CIDEC: variants seen among roughly 807,000 people sequenced by gnomAD.
The protein encoded by CIDEC is lipid transferase CIDEC.
In CIDEC, 11 loss-of-function variants were observed where a neutral mutation model predicts 21.9. The observed-to-expected ratio is 0.50, with a 90% CI of 0.32 to 0.83. The LOEUF is 0.83. Among genes scored for constraint, CIDEC ranks in the 40% least tolerant of loss-of-function variants. The pLI, the probability that CIDEC is intolerant of heterozygous loss-of-function variation, is 0.04. For missense variants in CIDEC, 302 were observed against 302.3 expected, an observed-to-expected ratio of 1.00 and a Z score of 0.01; for synonymous variants, 127 against 124.9, an observed-to-expected ratio of 1.02 and a Z score of -0.11.
chr3:9,873,165 C>CT (rs1425862814), intron 4 of CIDEC, among the ~76,000 whole-genome samples: 1 of 152,004 alleles, frequency 6.6e-6, no homozygotes, highest in African/African-American at 2.4e-5. Context: ...GCCATGAAGA[C>CT]TTACATACTA....
chr3:9,872,205 G>C (rs981230766), intron 4 of CIDEC, among the ~76,000 whole-genome samples: 18 of 148,898 alleles, frequency 1.2e-4, no homozygotes, highest in African/African-American at 4.5e-4. Context: ...ACAGGGTCTT[G>C]CTCTCTCACC....
At chr3:9,871,470 A>G (rs2082347142) in intron 4 of CIDEC, among the ~76,000 whole-genome samples, 1 of 150,852 alleles carries the variant, frequency 6.6e-6, no homozygotes, top group Non-Finnish European at 1.5e-5. Flanking sequence ...TACAAGCATG[A>G]GCCACCACAA....
chr3:9,872,872 C>G (rs2082368066), intron 4 of CIDEC, among the ~76,000 whole-genome samples: 1 of 152,058 alleles, frequency 6.6e-6, no homozygotes, highest in African/African-American at 2.4e-5. Flanking sequence ...GCCTGTAGTC[C>G]CAGCTGCTCA....
intron 6 of CIDEC, among the ~76,000 whole-genome samples, chr3:9,869,046 C>T (rs950845923): frequency 1.3e-5 from 2 of 152,158 alleles, no homozygotes; most frequent in African/African-American, 4.8e-5. Context: ...CGAGGCTGGT[C>T]TCAAACTCAT....
chr3:9,876,784 A>C (rs1027159530), intron 4 of CIDEC, among the ~76,000 whole-genome samples: 1 of 150,638 alleles, frequency 6.6e-6, no homozygotes, highest in Admixed American at 6.6e-5. Context: ...AAAAAAAAAA[A>C]CTAATGGAAG....
chr3:9,872,427 C>T (rs2082361221), intron 4 of CIDEC, among the ~76,000 whole-genome samples: 1 of 152,122 alleles, frequency 6.6e-6, no homozygotes, highest in African/African-American at 2.4e-5. Flanking sequence ...CGCCTGCCTC[C>T]ACCTCCCGAA....
At chr3:9,878,738 C>T (rs2082465115) in intron 2 of CIDEC, 1 of 1,535,906 alleles carries the variant, frequency 6.5e-7, no homozygotes, top group African/African-American at 1.4e-5. Flanking sequence ...TCAGGCTCAG[C>T]CTCACTCAGC....
intron 4 of CIDEC, among the ~76,000 whole-genome samples, chr3:9,873,137 C>G (rs979918187): frequency 6.6e-6 from 1 of 151,424 alleles, no homozygotes; most frequent in Admixed American, 6.6e-5. Context: ...GCTTTGGTGC[C>G]GTATCTAGGA....
chr3:9,876,491 TC>T (rs2082424273), intron 4 of CIDEC, among the ~76,000 whole-genome samples: 1 of 151,768 alleles, frequency 6.6e-6, no homozygotes, highest in African/African-American at 2.4e-5. Context: ...GTGTGGTAGC[TC>T]ACACCTGTAA....
At chr3:9,868,038 T>C (rs1406859672) in intron 6 of CIDEC, among the ~76,000 whole-genome samples, 3 of 152,210 alleles carry the variant, frequency 2.0e-5, no homozygotes, top group Non-Finnish European at 4.4e-5. Flanking sequence ...TTTGTTTTCT[T>C]CATTAATAAC....
rs56881276 is a variant in CIDEC, at chr3:9,879,161, A to ATTTTTTTTTT, written c.-138-117_-138-108dup. On this transcript the variant is annotated intron_variant, in intron 1 of 6. Transcript: ENST00000336832. ...ATAACTAGTGTGATTCAGGAGCTGA[A>ATTTTTTTTTT]TTTTTTTTTTTTTTGAGTTTCGCTC... The ATTTTTTTTTT allele has an allele frequency of 1.9e-3, 272 of 145,446 alleles. 3 individuals are homozygous for ATTTTTTTTTT. Among genetic ancestry groups the ATTTTTTTTTT allele is most frequent in the African/African-American group, 6.5e-3 (237 of 36,266 alleles). 9.0% of individuals were successfully genotyped at this position (145,446 alleles called of 1,614,324 possible). A position where few individuals can be genotyped will look rare whatever the true frequency, so the allele number is the denominator to read the frequency against.
intron 4 of CIDEC, among the ~76,000 whole-genome samples, chr3:9,872,866 G>A (rs2082367938): frequency 6.6e-6 from 1 of 152,148 alleles, no homozygotes; most frequent in Non-Finnish European, 1.5e-5. Flanking sequence ...GTGCGCGCCT[G>A]TAGTCCCAGC....
In CIDEC at chr3:9,877,175, G is replaced by A. The variant is rs970711982; in HGVS notation, c.98C>T (p.Ser33Leu). ...CCTGGGGGCCTTGGGGCTGGGCTCC[G>A]ACAGCAGCTGCTGGGTCACCACAGA... ...RTSVVTQQLL[S>L]EPSPKAPRAR... is the part of the protein sequence containing the mutation. The change falls in exon 4 of 7, where the codon TCG becomes TTG. Residue 33 changes from serine to leucine, a missense_variant. By Grantham distance (145) the Ser-to-Leu change is moderately radical. Transcript: ENST00000336832. 21 of 1,551,142 alleles carry A rather than the reference G, an allele frequency of 1.4e-5. No homozygotes were observed. The East Asian group carries it at 1.5e-4, about 11-fold the overall frequency.
At chr3:9,871,719 T>A (rs2082350937) in intron 4 of CIDEC, among the ~76,000 whole-genome samples, 1 of 152,010 alleles carries the variant, frequency 6.6e-6, no homozygotes, top group Non-Finnish European at 1.5e-5. Flanking sequence ...AATCCCCACC[T>A]CCTGGGTTCA....
At chr3:9,869,584 A>C (rs986484864) in intron 6 of CIDEC, among the ~76,000 whole-genome samples, 4 of 152,166 alleles carry the variant, frequency 2.6e-5, no homozygotes, top group Admixed American at 2.6e-4. Flanking sequence ...TGACTAGAAG[A>C]CTACTTAGGA....
rs773671821 is a variant in CIDEC, at chr3:9,870,318, C to T, written c.212G>A (p.Arg71Gln). The T allele has an allele frequency of 9.3e-6, 15 of 1,613,262 alleles. No homozygotes were observed. Among genetic ancestry groups the T allele is most frequent in the Admixed American group, 1.7e-5 (1 of 59,982 alleles). Residue 71 changes from arginine to glutamine, a missense_variant, in exon 5 of 7, where the codon CGG (arginine) becomes CAG (glutamine). Arg to Gln is a conservative substitution (Grantham distance 43). Coordinates refer to ENST00000336832, the MANE Select transcript of CIDEC (RefSeq NM_001321142.2). ...CTTGTCTGCCAGCATCAGAGTGTCC[C>T]GGACCTGGGGAATAAGGTCAGTGAT... ...YSLEDLLLKV[R>Q]DTLMLADKPF... is the part of the protein sequence containing the mutation.
Position 9,870,267 on chromosome 3 carries a change from T to A in CIDEC, c.263A>T (p.Asp88Val), listed in dbSNP as rs765036606. ...DKPFFLVLEE[D>V]GTTVETEEYF... ...CTCTTCTGTCTCTACAGTTGTGCCA[T>A]CTTCCTCCAGCACCAGGAAGAAGGG... The change falls in exon 5 of 7, where the codon GAT becomes GTT. Residue 88 changes from aspartate to valine, a missense_variant. Asp to Val is a radical substitution (Grantham distance 152). Coordinates refer to ENST00000336832, the MANE Select transcript of CIDEC (RefSeq NM_001321142.2). The A allele has an allele frequency of 3.1e-6, 5 of 1,614,016 alleles. No homozygotes were observed. Among genetic ancestry groups the A allele is most frequent in the Non-Finnish European group, 4.2e-6 (5 of 1,180,024 alleles).
At chr3:9,867,786 C>A (rs146113507) in intron 6 of CIDEC, among the ~76,000 whole-genome samples, 1 of 152,008 alleles carries the variant, frequency 6.6e-6, no homozygotes, top group South Asian at 2.1e-4. Flanking sequence ...AAAAATTAGC[C>A]GGGCGTGGTG....
At chr3:9,869,344 A>T (rs1433716249) in intron 6 of CIDEC, among the ~76,000 whole-genome samples, 4 of 151,696 alleles carry the variant, frequency 2.6e-5, no homozygotes, top group Non-Finnish European at 5.9e-5. Flanking sequence ...TCTGCCTCCT[A>T]GCTTCAAGCG....
Sources: allele counts gnomAD v4.1 joint callset (sites outside exome capture counted in the v4.1 genomes callset), GRCh38; gene constraint gnomAD v4.1.1; transcripts MANE v1.5; gene names NCBI Gene and HGNC (gene_info 2026-07-23, HGNC 2026-07-21).